The following MBD5 variants were observed in gnomAD, a reference collection of about 807,000 sequenced individuals.
The protein encoded by MBD5 is methyl-CpG-binding domain protein 5.
In MBD5, 13 loss-of-function variants were observed where a neutral mutation model predicts 117.3. That is an observed-to-expected ratio of 0.11 (90% confidence interval 0.07 to 0.18). MBD5 has a LOEUF of 0.18. Ranked by LOEUF, MBD5 falls within the 10% of genes least tolerant of loss-of-function variation. MBD5 has a pLI of 1.00. For synonymous variants in MBD5, 727 were observed against 766.4 expected (o/e 0.95, Z 0.85); for missense variants, 1,879 against 2,093.8 (o/e 0.90, Z 2.00).
intron 3 of MBD5, among the ~76,000 whole-genome samples, chr2:148,263,376 C>T (rs985699718): frequency 6.6e-6 from 1 of 151,790 alleles, no homozygotes; most frequent in African/African-American, 2.4e-5. Flanking sequence ...GGGAGGGAGA[C>T]GAAGAGAGGA....
intron 4 of MBD5, among the ~76,000 whole-genome samples, chr2:148,383,758 C>G (rs1232556106): frequency 6.6e-6 from 1 of 152,102 alleles, no homozygotes; most frequent in Non-Finnish European, 1.5e-5. Context: ...AAAGCTTATC[C>G]ACCATGATGA....
At chr2:148,062,510 C>G (rs942497381) in intron 1 of MBD5, 1 of 151,894 alleles carries the variant, frequency 6.6e-6, no homozygotes, top group Non-Finnish European at 1.5e-5. Flanking sequence ...ATTCTACAAG[C>G]TCAGTGTAAT....
chr2:148,131,394 C>CA (rs981416227), intron 1 of MBD5, among the ~76,000 whole-genome samples: 11 of 151,732 alleles, frequency 7.2e-5, no homozygotes, highest in Non-Finnish European at 1.2e-4. Context: ...CTTGCATTAT[C>CA]AAAAAAAATA....
chr2:148,107,687 G>T, intron 1 of MBD5, among the ~76,000 whole-genome samples: 1 of 151,236 alleles, frequency 6.6e-6, no homozygotes. Flanking sequence ...TGAGTTCATG[G>T]TTATTTTTGC....
chr2:148,470,735 T>C (rs574386195), intron 8 of MBD5: 259 of 466,726 alleles, frequency 5.5e-4, no homozygotes, highest in African/African-American at 3.3e-3. Context: ...TTTATAACCA[T>C]TGGACTCCAA....
chr2:148,482,532 C>T (rs2105066093), intron 8 of MBD5, among the ~76,000 whole-genome samples: 1 of 152,022 alleles, frequency 6.6e-6, no homozygotes, highest in Non-Finnish European at 1.5e-5. Flanking sequence ...TATGTATAGA[C>T]ATGCAGGTAG....
chr2:148,443,514 A>G (rs183438707), intron 4 of MBD5, among the ~76,000 whole-genome samples: 82 of 151,542 alleles, frequency 5.4e-4, no homozygotes, highest in Non-Finnish European at 9.0e-4. Flanking sequence ...ATGAATGGAT[A>G]AAGAAAATGT....
intron 1 of MBD5, among the ~76,000 whole-genome samples, chr2:148,094,989 T>C (rs965292165): frequency 3.9e-5 from 6 of 152,126 alleles, no homozygotes; most frequent in Non-Finnish European, 7.4e-5. Flanking sequence ...AACTCCAGCG[T>C]ATAAAAGGCC....
intron 8 of MBD5, among the ~76,000 whole-genome samples, chr2:148,479,375 C>T (rs1338624038): frequency 6.6e-6 from 1 of 152,184 alleles, no homozygotes; most frequent in African/African-American, 2.4e-5. Context: ...TCCACAAACA[C>T]ACCAACACAT....
At chr2:148,036,225 A>G (rs1479527741) in intron 1 of MBD5, among the ~76,000 whole-genome samples, 2 of 152,148 alleles carry the variant, frequency 1.3e-5, no homozygotes, top group African/African-American at 4.8e-5. Flanking sequence ...TTTAAAGTAT[A>G]GCAATAAGAA....
chr2:148,041,705 A>G (rs572551702), intron 1 of MBD5, among the ~76,000 whole-genome samples: 1 of 152,162 alleles, frequency 6.6e-6, no homozygotes, highest in Non-Finnish European at 1.5e-5. Flanking sequence ...AGCAAGTAAG[A>G]TGATGCAGAG....
chr2:148,265,727 A>G (rs1220332166), intron 3 of MBD5, among the ~76,000 whole-genome samples: 1 of 152,164 alleles, frequency 6.6e-6, no homozygotes, highest in African/African-American at 2.4e-5. Flanking sequence ...TATGGATATT[A>G]CAAGTTTTTG....
chr2:148,472,920 TAAAAAAA>T (rs1329773517), intron 8 of MBD5, among the ~76,000 whole-genome samples: 4 of 152,108 alleles, frequency 2.6e-5, no homozygotes, highest in Non-Finnish European at 5.9e-5. Flanking sequence ...AGCCTGAGGC[TAAAAAAA>T]CTTAAGTAAC....
chr2:148,120,458 T>A (rs1696743220), intron 1 of MBD5, among the ~76,000 whole-genome samples: 1 of 152,230 alleles, frequency 6.6e-6, no homozygotes, highest in African/African-American at 2.4e-5. Context: ...TAGGTTTTCT[T>A]TAATGTCATA....
At chr2:148,215,707 TTG>T (rs1317471862) in intron 2 of MBD5, among the ~76,000 whole-genome samples, 21,005 of 141,422 alleles carry the variant, frequency 0.15, 1,514 homozygotes, top group Non-Finnish European at 0.17. Context: ...TTTTTTTTTT[TTG>T]GTAGAAACAA....
intron 4 of MBD5, among the ~76,000 whole-genome samples, chr2:148,456,944 A>G (rs1320318207): frequency 6.6e-6 from 1 of 152,076 alleles, no homozygotes; most frequent in Non-Finnish European, 1.5e-5. Flanking sequence ...TGAGAGATCC[A>G]AAAAAAGGTT....
chr2:148,284,794 A>C (rs1335388699), intron 3 of MBD5, among the ~76,000 whole-genome samples: 2 of 152,130 alleles, frequency 1.3e-5, no homozygotes, highest in Non-Finnish European at 2.9e-5. Context: ...TGTTCTATCA[A>C]TTTTAATATA....
chr2:148,170,679 C>G (rs1396018707), intron 1 of MBD5, among the ~76,000 whole-genome samples: 1 of 152,156 alleles, frequency 6.6e-6, no homozygotes, highest in Non-Finnish European at 1.5e-5. Flanking sequence ...AAAACAATCA[C>G]TGTTAAAAGT....
At chr2:148,446,238 T>C (rs572901866) in intron 4 of MBD5, among the ~76,000 whole-genome samples, 10 of 152,194 alleles carry the variant, frequency 6.6e-5, no homozygotes, top group Admixed American at 3.9e-4. Flanking sequence ...ATTGCCTAGG[T>C]TTTCTTCTAG....
Sources: gnomAD v4.1 joint callset for allele counts (sites outside exome capture counted in the v4.1 genomes callset) on GRCh38, gnomAD v4.1.1 for gene constraint, MANE v1.5 for transcripts, NCBI Gene and HGNC (gene_info 2026-07-23, HGNC 2026-07-21) for gene names.